Variants in ATP6V0D1 observed in about 807,000 individuals in gnomAD.
The protein encoded by ATP6V0D1 is V-type proton ATPase subunit d 1.
ATP6V0D1 carries 13 observed loss-of-function variants against 39.0 expected under a neutral mutation model. The ratio of observed to expected loss-of-function variants is 0.33; its 90% confidence interval spans 0.22 to 0.53. ATP6V0D1 has a LOEUF of 0.53. ATP6V0D1 is among the 20% of genes least tolerant of loss of function. The pLI is 0.94. For synonymous variants in ATP6V0D1, 191 were observed against 191.2 expected (o/e 1.00, Z 0.01); for missense variants, 272 against 470.9 (o/e 0.58, Z 3.91).
At chr16:67,477,659 G>T (rs1346138281) in intron 1 of ATP6V0D1, among the ~76,000 whole-genome samples, 1 of 151,468 alleles carries the variant, frequency 6.6e-6, no homozygotes, top group Non-Finnish European at 1.5e-5. Flanking sequence ...ATGTTTGACA[G>T]TATCCATAAT....
intron 1 of ATP6V0D1, among the ~76,000 whole-genome samples, chr16:67,477,300 C>T (rs549802510): frequency 2.8e-4 from 43 of 152,232 alleles, no homozygotes; most frequent in Non-Finnish European, 5.3e-4. Flanking sequence ...ATCATATTTG[C>T]ATCCCAATTG....
In ATP6V0D1 at chr16:67,438,881, G is replaced by T; in HGVS notation, c.817-11C>A. On this transcript the variant is annotated splice_polypyrimidine_tract_variant and intron_variant, in intron 6 of 7. Coordinates refer to ENST00000290949, the MANE Select transcript of ATP6V0D1 (RefSeq NM_004691.5). Reference sequence around the variant, plus strand: ...GAGCAGCTTGTACTCCTGGCCAGGGGGGTGGGGGGAAGCACAAGCATGAGG... The same window carrying T: ...GAGCAGCTTGTACTCCTGGCCAGGGTGGTGGGGGGAAGCACAAGCATGAGG... The T allele has an allele frequency of 6.2e-7, 1 of 1,613,762 alleles. No homozygotes were observed. Among genetic ancestry groups the T allele is most frequent in the Non-Finnish European group, 8.5e-7 (1 of 1,179,982 alleles).
chr16:67,454,971 A>T (rs1438498470), intron 1 of ATP6V0D1: 1 of 152,244 alleles, frequency 6.6e-6, no homozygotes, highest in Non-Finnish European at 1.5e-5. Flanking sequence ...AGGCTTCTCC[A>T]GCAGCCCATC....
intron 1 of ATP6V0D1, among the ~76,000 whole-genome samples, chr16:67,460,912 G>A (rs1043020380): frequency 6.6e-6 from 1 of 152,200 alleles, no homozygotes; most frequent in African/African-American, 2.4e-5. Context: ...AAGGACCTGG[G>A]TTCAAATCCT....
chr16:67,438,404 T>C lies in ATP6V0D1; in HGVS notation c.*124A>G. The stretch of plus-strand genomic sequence containing the variant: ...CTGGGCAGCCGCTAGGACAGCGTAC[T>C]ACACCCCGGACAGGCAGGTGAGCCA... On this transcript the variant is annotated 3_prime_UTR_variant, in exon 8 of 8. Coordinates refer to ENST00000290949, the MANE Select transcript of ATP6V0D1 (RefSeq NM_004691.5). 3 of 1,211,562 alleles carry C rather than the reference T, an allele frequency of 2.5e-6. No homozygotes were observed. The highest frequency in any genetic ancestry group is 3.5e-6 in the Non-Finnish European group (3 of 861,988). 75.1% of individuals were successfully genotyped at this position (1,211,562 alleles called of 1,614,324 possible). A position where few individuals can be genotyped will look rare whatever the true frequency, so the allele number is the denominator to read the frequency against.
At chr16:67,472,595 C>T (rs992869386) in intron 1 of ATP6V0D1, among the ~76,000 whole-genome samples, 2 of 152,192 alleles carry the variant, frequency 1.3e-5, no homozygotes, top group Non-Finnish European at 2.9e-5. Flanking sequence ...CGGCTGGGCG[C>T]GGTGGCTCAT....
intron 1 of ATP6V0D1, among the ~76,000 whole-genome samples, chr16:67,473,166 T>C (rs2041388159): frequency 6.6e-6 from 1 of 152,146 alleles, no homozygotes; most frequent in South Asian, 2.1e-4. Context: ...AGACTACTAA[T>C]GCCATTCCTT....
chr16:67,467,633 C>T (rs912544958), intron 1 of ATP6V0D1, among the ~76,000 whole-genome samples: 4 of 152,310 alleles, frequency 2.6e-5, no homozygotes, highest in Non-Finnish European at 2.9e-5. Flanking sequence ...TACAAGTGGG[C>T]AAATACATCT....
chr16:67,438,242 T>C lies in ATP6V0D1; in HGVS notation c.*286A>G. The stretch of plus-strand genomic sequence containing the variant: ...GAGGAACATGAAAGTGACATGCTTC[T>C]TAGATACATCAGCGGCTGTAACCAC... On this transcript the variant is annotated 3_prime_UTR_variant, in exon 8 of 8. Transcript: ENST00000290949. 1 of 456,688 alleles carries C rather than the reference T, an allele frequency of 2.2e-6. No homozygotes were observed. Among genetic ancestry groups the C allele is most frequent in the Non-Finnish European group, 4.0e-6 (1 of 251,392 alleles). 28.3% of individuals were successfully genotyped at this position (456,688 alleles called of 1,614,324 possible).
chr16:67,453,434 C>G lies in ATP6V0D1; in HGVS notation c.302+110G>C, dbSNP rs2041203729. 2.3e-6 allele frequency: 3 copies of G among 1,326,108 alleles called. No individual in the cohort carries two copies. The East Asian group carries it at 7.0e-5, about 31-fold the overall frequency. 82.1% of individuals were successfully genotyped at this position (1,326,108 alleles called of 1,614,324 possible). ...CTGACAGAGCTGCCATCAGCTCTGA[C>G]AGCTGACACAGGCACGAAGGCAGCT... On this transcript the variant is annotated intron_variant, in intron 2 of 7. Transcript: ENST00000290949. The surrounding 1 kb of genome is among the most constrained non-coding windows in gnomAD (Gnocchi z 4.1).
At chr16:67,449,607 ACAG>A (rs1285489709) in intron 2 of ATP6V0D1, among the ~76,000 whole-genome samples, 2 of 152,244 alleles carry the variant, frequency 1.3e-5, no homozygotes, top group Non-Finnish European at 2.9e-5. Context: ...CTCATGCCAG[ACAG>A]CTGCCTCTTC....
At chr16:67,451,472 T>C (rs2041179873) in intron 2 of ATP6V0D1, among the ~76,000 whole-genome samples, 1 of 151,722 alleles carries the variant, frequency 6.6e-6, no homozygotes, top group Admixed American at 6.6e-5. Flanking sequence ...AGGCTGTGGG[T>C]AGAGAGGTGC....
intron 4 of ATP6V0D1, chr16:67,441,553 T>TACACAC (rs372818559): frequency 3.3e-5 from 5 of 151,824 alleles, no homozygotes; most frequent in African/African-American, 1.2e-4. Context: ...GGCGCGTGCG[T>TACACAC]ACACACACAC....
In ATP6V0D1 at chr16:67,444,615, G is replaced by C; in HGVS notation, c.394C>G (p.Leu132Val). The C allele has an allele frequency of 6.2e-7, 1 of 1,613,666 alleles. No individual in the cohort carries two copies. The highest frequency in any genetic ancestry group is 1.3e-5 in the African/African-American group (1 of 75,074). Residue 132 changes from leucine (L) to valine (V), a missense_variant, in exon 3 of 8, where the codon CTA (leucine) becomes GTA (valine). Transcript: ENST00000290949. This position sits in a 1 kb window ranked among gnomAD's most constrained non-coding sequence, Gnocchi z 4.8. ...IAELVPKCHP[L>V]GSFEQMEAVN... ...GCCTCCATCTGCTCGAAGCTGCCTA[G>C]TGGGTGGCACTTGGGCACGAGCTCA... is the stretch of plus-strand genomic sequence containing the variant.
At chr16:67,468,894 A>G (rs1242029371) in intron 1 of ATP6V0D1, among the ~76,000 whole-genome samples, 3 of 152,206 alleles carry the variant, frequency 2.0e-5, no homozygotes, top group African/African-American at 7.2e-5. Flanking sequence ...AAGAAAAAGT[A>G]TATGTTATCA....
chr16:67,450,033 C>T lies in ATP6V0D1; in HGVS notation c.302+3511G>A, dbSNP rs532533094. On this transcript the variant is annotated intron_variant, in intron 2 of 7. Transcript: ENST00000290949. ...AGGTGACCTCTGTAATGGTCCCAAC[C>T]TCTGTCCCTAGCTGGGCCAACTTTG... 7.2e-5 allele frequency among the ~76,000 whole-genome samples: 11 copies of T among 152,332 alleles called. No homozygotes were observed. The South Asian group carries it at 1.2e-3, about 17-fold the overall frequency.
At chr16:67,469,712 C>T (rs1186647157) in intron 1 of ATP6V0D1, among the ~76,000 whole-genome samples, 2 of 152,162 alleles carry the variant, frequency 1.3e-5, no homozygotes, top group Admixed American at 1.3e-4. Context: ...GGTGTGGGTA[C>T]CCTTCTCTTT....
chr16:67,438,790 C>T lies in ATP6V0D1; in HGVS notation c.894+3G>A, dbSNP rs112420676. On this transcript the variant is annotated splice_donor_region_variant and intron_variant, in intron 7 of 7. Coordinates refer to ENST00000290949, the MANE Select transcript of ATP6V0D1 (RefSeq NM_004691.5). ...CTCTGACAAGCAGACCCTGCAGACT[C>T]ACCTCGTGCTCAAAGAATCGGTCCT... 1 of 1,614,088 alleles carries T rather than the reference C, an allele frequency of 6.2e-7. No individual in the cohort carries two copies. The highest frequency in any genetic ancestry group is 2.2e-5 in the East Asian group (1 of 44,858).
At position 67,438,849 on chromosome 16, in the gene ATP6V0D1, C is replaced by A; in HGVS notation, c.838G>T (p.Gly280Cys). 1 of 1,613,668 alleles carries A rather than the reference C, an allele frequency of 6.2e-7. No homozygotes were observed. The highest frequency in any genetic ancestry group is 8.5e-7 in the Non-Finnish European group (1 of 1,179,932). Residue 280 changes from glycine (G) to cysteine (C), a missense_variant, in exon 7 of 8, where the codon GGT (glycine) becomes TGT (cysteine). Around this residue, in one of 4 missense-constraint regions of ATP6V0D1, gnomAD observed 21 missense variants for 16.5 expected, o/e 1.27. Transcript: ENST00000290949. The part of the protein sequence containing the change: ...YYPEYKLLFE[G>C]AGSNPGDKTL... ...TTGTCTCCAGGGTTGCTACCTGCAC[C>A]CTCGAAGAGCAGCTTGTACTCCTGG...
Sources: gnomAD v4.1 joint callset for allele counts (sites outside exome capture counted in the v4.1 genomes callset) on GRCh38, gnomAD v4.1.1 for gene constraint, gnomAD v4.1.1 regional missense constraint, Gnocchi (gnomAD v3.1) non-coding constraint, MANE v1.5 for transcripts, NCBI Gene and HGNC (gene_info 2026-07-23, HGNC 2026-07-21) for gene names.